Variants in AFM observed in about 807,000 individuals in gnomAD.
The protein encoded by AFM is alpha-Alb.
In AFM, 82 loss-of-function variants were observed where a neutral mutation model predicts 68.7. That is an observed-to-expected ratio of 1.19 (90% confidence interval 1.00 to 1.43). The LOEUF is 1.43. AFM is among the 40% of genes most tolerant of loss of function. The probability of loss-of-function intolerance (pLI) is 0.00; values close to 1 mark genes in which losing one functional copy is unlikely to be tolerated. For missense variants in AFM, 772 were observed against 701.8 expected, an observed-to-expected ratio of 1.10 and a Z score of -1.13; for synonymous variants, 250 against 234.2, an observed-to-expected ratio of 1.07 and a Z score of -0.61.
intron 11 of AFM, 44 bp downstream of exon 11, chr4:73,499,290 T>TAA (rs759483476): frequency 0.033 from 34,652 of 1,037,738 alleles, 455 homozygotes; most frequent in Middle Eastern, 0.082. Context: ...TTTTTTTTTT[T>TAA]AAAAAAAAGA....
chr4:73,484,017 A>T (rs773029012), intron 2 of AFM, 28 bp downstream of exon 2: 1 of 1,491,412 alleles, frequency 6.7e-7, no homozygotes, highest in Non-Finnish European at 9.1e-7. Flanking sequence ...CTTTTTGATG[A>T]TGATTTTTAA....
chr4:73,500,183 C>CACATTCTGAG lies in AFM; in HGVS notation c.1603_1604insCATTCTGAGA (p.Met535ThrfsTer3). On this transcript the variant is annotated stop_gained and frameshift_variant, in exon 12 of 15. Coordinates refer to ENST00000226355, the MANE Select transcript of AFM (RefSeq NM_001133.2). LOFTEE classifies it high-confidence loss of function. ...AAGATTTATTTACCTTTCACGCAGA[C>CACATTCTGAG]ATGTGTCAATCTCAGAATGAGGAGC... 1 of 1,613,738 alleles carries CACATTCTGAG rather than the reference C, an allele frequency of 6.2e-7. No individual in the cohort carries two copies. The highest frequency in any genetic ancestry group is 2.2e-5 in the East Asian group (1 of 44,822).
At chr4:73,497,428 A>C (rs1453988859) in intron 9 of AFM, among the ~76,000 whole-genome samples, 1 of 152,218 alleles carries the variant, frequency 6.6e-6, no homozygotes, top group Non-Finnish European at 1.5e-5. Context: ...CAAGGTGATA[A>C]TAAAAAAATT....
intron 8 of AFM, among the ~76,000 whole-genome samples, chr4:73,492,543 G>A (rs1263521061): frequency 6.6e-6 from 1 of 152,050 alleles, no homozygotes; most frequent in Admixed American, 6.5e-5. Flanking sequence ...CAACTGTTAA[G>A]GGGAAGACTA....
chr4:73,485,691 A>AG (rs964699913), intron 3 of AFM, among the ~76,000 whole-genome samples, 171 bp from the exon 4 acceptor site: 13 of 91,530 alleles, frequency 1.4e-4, no homozygotes, highest in South Asian at 4.4e-4. Flanking sequence ...GAAGAGAAGG[A>AG]GGGGGGGAAG....
At position 73,495,340 on chromosome 4, in the gene AFM, A is replaced by G. The variant is rs1721224650; in HGVS notation, c.1099A>G (p.Ile367Val). The change falls in exon 9 of 15, where the codon ATA becomes GTA. Residue 367 changes from isoleucine to valine, a missense_variant. Transcript: ENST00000226355. ...CTCAAGGAGACATCCAGACCTGTCT[A>G]TACCAGAGCTTTTAAGAATTGTTCA... ...EYSRRHPDLS[I>V]PELLRIVQIY... 6 of 1,611,266 alleles carry G rather than the reference A, an allele frequency of 3.7e-6. No individual in the cohort carries two copies. Among genetic ancestry groups the G allele is most frequent in the Non-Finnish European group, 4.2e-6 (5 of 1,178,520 alleles).
chr4:73,491,972 T>C lies in AFM; in HGVS notation c.944T>C (p.Ile315Thr), dbSNP rs1424814599. ...ATACCAGAGCGCGGCCAGTGCATAA[T>C]TAACTCAAACAAAGATGATAGACCA... ...KKIPERGQCI[I>T]NSNKDDRPKD... The change falls in exon 8 of 15, where the codon ATT (isoleucine) becomes ACT (threonine). Residue 315 changes from isoleucine to threonine, a missense_variant. Physicochemically the swap from Ile to Thr is moderately conservative, Grantham distance 89. Coordinates refer to ENST00000226355, the MANE Select transcript of AFM (RefSeq NM_001133.2). The C allele has an allele frequency of 1.9e-6, 3 of 1,613,970 alleles. No individual in the cohort carries two copies. The highest frequency in any genetic ancestry group is 2.5e-6 in the Non-Finnish European group (3 of 1,179,942).
rs1267869697 is a variant in AFM at position 73,483,927 on chromosome 4, T to A, written c.89-14T>A. 2.6e-6 allele frequency: 4 copies of A among 1,515,512 alleles called. No homozygotes were observed. Among genetic ancestry groups the A allele is most frequent in the Non-Finnish European group, 3.6e-6 (4 of 1,108,510 alleles). 93.9% of individuals were successfully genotyped at this position (1,515,512 alleles called of 1,614,324 possible). On this transcript the variant is annotated splice_polypyrimidine_tract_variant and intron_variant, in intron 1 of 14. Coordinates refer to ENST00000226355, the MANE Select transcript of AFM (RefSeq NM_001133.2). ...ACCATGCTATGTAATAACCTAAATA[T>A]TCTTGCTTTTCAGAGAACTTCAATA... is the stretch of plus-strand genomic sequence containing the variant.
chr4:73,486,481 C>T (rs141842083), intron 4 of AFM, among the ~76,000 whole-genome samples: 19 of 152,254 alleles, frequency 1.2e-4, no homozygotes, highest in Non-Finnish European at 1.9e-4. Context: ...CAGAAACAGA[C>T]TTTTTCTGGA....
Position 73,486,869 on chromosome 4 carries a change from T to C in AFM, c.483-98T>C. 5 of 1,223,418 alleles carry C rather than the reference T, an allele frequency of 4.1e-6. No individual in the cohort carries two copies. The South Asian group carries it at 6.0e-5, about 15-fold the overall frequency. 75.8% of individuals were successfully genotyped at this position (1,223,418 alleles called of 1,614,324 possible). A position where few individuals can be genotyped will look rare whatever the true frequency, so the allele number is the denominator to read the frequency against. On this transcript the variant is annotated intron_variant, in intron 4 of 14. Coordinates refer to ENST00000226355, the MANE Select transcript of AFM (RefSeq NM_001133.2). ...CTATTTTTTCTTTTCCTTCCCATCT[T>C]ACCCTCCCTTCCCTTCCCTTCCCTT...
chr4:73,487,514 G>A (rs1207427162), intron 5 of AFM, among the ~76,000 whole-genome samples: 1 of 152,170 alleles, frequency 6.6e-6, no homozygotes, highest in African/African-American at 2.4e-5. Flanking sequence ...TTTACCAAGT[G>A]CAATTCAATC....
At chr4:73,499,404 G>A (rs544890396) in intron 11 of AFM, among the ~76,000 whole-genome samples, 158 bp downstream of exon 11, 8 of 151,892 alleles carry the variant, frequency 5.3e-5, no homozygotes, top group Non-Finnish European at 1.0e-4. Flanking sequence ...CTCACTTTGT[G>A]AAAACCCTAA....
chr4:73,495,107 A>G, intron 8 of AFM, 193 bp from the exon 9 acceptor site: 1 of 410,394 alleles, frequency 2.4e-6, no homozygotes, highest in Non-Finnish European at 4.3e-6. Flanking sequence ...TCTAAAACGT[A>G]CCATGGAAGA....
chr4:73,501,597 T>C (rs1296469529), intron 12 of AFM, among the ~76,000 whole-genome samples, 190 bp from the exon 13 acceptor site: 1 of 152,088 alleles, frequency 6.6e-6, no homozygotes. Flanking sequence ...CTTCAAAGAA[T>C]GTTACTGTGG....
At chr4:73,502,676 C>T (rs922364234) in intron 13 of AFM, among the ~76,000 whole-genome samples, 14 of 152,170 alleles carry the variant, frequency 9.2e-5, no homozygotes, top group Non-Finnish European at 1.8e-4. Context: ...AACTCACACA[C>T]GTGATTCATT....
intron 3 of AFM, among the ~76,000 whole-genome samples, chr4:73,484,627 TG>T (rs1297634142): frequency 4.0e-5 from 6 of 151,816 alleles, no homozygotes; most frequent in Non-Finnish European, 8.8e-5. Context: ...CTCCACTTCC[TG>T]GGTTCAGGCA....
intron 6 of AFM, 74 bp downstream of exon 6, chr4:73,487,895 T>C (rs1204046301): frequency 9.5e-7 from 1 of 1,052,684 alleles, no homozygotes; most frequent in Non-Finnish European, 1.5e-6. Context: ...AAATGGTTGA[T>C]AACTTTTTAT....
chr4:73,497,666 T>G lies in AFM; in HGVS notation c.1206T>G (p.Asn402Lys). Residue 402 changes from asparagine (N) to lysine (K), a missense_variant, in exon 10 of 15, where the codon AAT becomes AAG. Transcript: ENST00000226355. Reference protein sequence around the residue: ...GCYRYAEDKFNETTEKSLKMV... With the variant: ...GCYRYAEDKFKETTEKSLKMV... ...CTTATTTTCAGGAAGACAAATTCAA[T>G]GAGACAACTGAGAAAAGCCTCAAGA... is the stretch of plus-strand genomic sequence containing the variant. 4 of 1,602,838 alleles carry G rather than the reference T, an allele frequency of 2.5e-6. No individual in the cohort carries two copies. Among genetic ancestry groups the G allele is most frequent in the Non-Finnish European group, 3.4e-6 (4 of 1,173,912 alleles).
At chr4:73,496,184 T>C (rs538498705) in intron 9 of AFM, among the ~76,000 whole-genome samples, 1 of 152,322 alleles carries the variant, frequency 6.6e-6, no homozygotes, top group East Asian at 1.9e-4. Context: ...AAGGGCTGTG[T>C]TCCCTCTAGG....
Sources: allele counts gnomAD v4.1 joint callset (sites outside exome capture counted in the v4.1 genomes callset), GRCh38; gene constraint gnomAD v4.1.1; transcripts MANE v1.5; gene names NCBI Gene and HGNC (gene_info 2026-07-23, HGNC 2026-07-21).